ANKRD45: variants seen among roughly 807,000 people sequenced by gnomAD.
The protein encoded by ANKRD45 is ankyrin repeat domain-containing protein 45.
ANKRD45 carries 21 observed loss-of-function variants against 28.1 expected under a neutral mutation model. The ratio of observed to expected loss-of-function variants is 0.75; its 90% CI spans 0.53 to 1.08. The LOEUF (loss-of-function observed/expected upper bound fraction) is 1.08, where lower values mean the gene tolerates loss of function less well. ANKRD45 is among the 50% of genes least tolerant of loss of function. The pLI, the probability that ANKRD45 is intolerant of heterozygous loss-of-function variation, is 0.00. For missense variants in ANKRD45, 261 were observed against 308.7 expected (o/e 0.85, Z 1.16); for synonymous variants, 86 against 103.9 (o/e 0.83, Z 1.05).
intron 4 of ANKRD45, among the ~76,000 whole-genome samples, chr1:173,625,982 G>A (rs1335247042): frequency 1.3e-5 from 2 of 152,048 alleles, no homozygotes; most frequent in African/African-American, 2.4e-5. Context: ...AATTAAGAAT[G>A]TTCTAGTAAC....
rs1024081974 is a variant in ANKRD45 at position 173,609,910 on chromosome 1, C to T, written c.*235G>A. On this transcript the variant is annotated 3_prime_UTR_variant, in exon 6 of 6. Transcript: ENST00000333279. ...ATGGTCTTCACGAATGATTTATACC[C>T]AAGTGCTTTCCTGAAGGAGCACGTG... 1 of 505,472 alleles carries T rather than the reference C, an allele frequency of 2.0e-6. No homozygotes were observed. Among genetic ancestry groups the T allele is most frequent in the Non-Finnish European group, 3.5e-6 (1 of 286,418 alleles). The allele number at this position is 505,472 out of a possible 1,614,324, so 31.3% of individuals were successfully genotyped here. A position where few individuals can be genotyped will look rare whatever the true frequency, so the allele number is the denominator to read the frequency against.
the ANKRD45 span, among the ~76,000 whole-genome samples, chr1:173,680,975 G>A: frequency 6.6e-6 from 1 of 150,976 alleles, no homozygotes; most frequent in Non-Finnish European, 1.5e-5. Context: ...TGGGTGGGGG[G>A]GAGGCGGGGT....
At chr1:173,636,854 C>T in intron 3 of ANKRD45, 1 of 1,535,596 alleles carries the variant, frequency 6.5e-7, no homozygotes, top group Non-Finnish European at 8.7e-7. Flanking sequence ...CTTAGAAAAA[C>T]CTGGTAATGA....
chr1:173,682,240 T>A, the ANKRD45 span, among the ~76,000 whole-genome samples: 1 of 152,200 alleles, frequency 6.6e-6, no homozygotes, highest in South Asian at 2.1e-4. Flanking sequence ...CTAGACCACA[T>A]GATCTTTTTA....
At chr1:173,688,531 T>TTTGC in the ANKRD45 span, among the ~76,000 whole-genome samples, 31 of 128,664 alleles carry the variant, frequency 2.4e-4, no homozygotes, top group African/African-American at 1.3e-3. Context: ...CCTCTTCCTC[T>TTTGC]CTCTCCCTCT....
the ANKRD45 span, among the ~76,000 whole-genome samples, chr1:173,701,006 A>G: frequency 2.4e-4 from 36 of 152,252 alleles, no homozygotes; most frequent in Non-Finnish European, 4.1e-4. Context: ...AAAGTGGGCA[A>G]AGGATATGAG....
At chr1:173,681,981 C>G in the ANKRD45 span, among the ~76,000 whole-genome samples, 3 of 149,010 alleles carry the variant, frequency 2.0e-5, no homozygotes, top group African/African-American at 7.4e-5. Flanking sequence ...ACCCAGGAAG[C>G]AGAGATAGTA....
intron 1 of ANKRD45, among the ~76,000 whole-genome samples, chr1:173,663,054 A>AACACACACACACACACAC (rs60072209): frequency 2.4e-4 from 34 of 140,248 alleles, no homozygotes; most frequent in African/African-American, 7.6e-4. Context: ...CCACCCTTCC[A>AACACACACACACACACAC]ACACACACAC....
chr1:173,638,018 T>G (rs1480216055), intron 3 of ANKRD45, among the ~76,000 whole-genome samples: 2 of 151,972 alleles, frequency 1.3e-5, no homozygotes, highest in Non-Finnish European at 2.9e-5. Flanking sequence ...ACCAGGTGAC[T>G]CCATGCACGG....
At chr1:173,640,881 A>C (rs755657585) in intron 3 of ANKRD45, among the ~76,000 whole-genome samples, 2 of 152,156 alleles carry the variant, frequency 1.3e-5, no homozygotes, top group Non-Finnish European at 2.9e-5. Context: ...GTGCAAATCT[A>C]AAATCCCTCA....
intron 2 of ANKRD45, among the ~76,000 whole-genome samples, chr1:173,653,793 G>T (rs534566704): frequency 2.6e-5 from 4 of 151,954 alleles, no homozygotes; most frequent in Non-Finnish European, 4.4e-5. Context: ...TGTATTGGGT[G>T]TCTATATATT....
At position 173,659,440 on chromosome 1, in the gene ANKRD45, C is replaced by A. The variant is rs1272095966; in HGVS notation, c.-15-7G>T. On this transcript the variant is annotated splice_polypyrimidine_tract_variant and splice_region_variant and intron_variant, in intron 1 of 5. Transcript: ENST00000333279. ...CCATTAACTCCAAAAATACCTATGA[C>A]CAAAAAAATAAAAAAGTGATAAAAA... 1.3e-6 allele frequency: 2 copies of A among 1,493,438 alleles called. No homozygotes were observed. Among genetic ancestry groups the A allele is most frequent in the African/African-American group, 1.4e-5 (1 of 71,306 alleles). 92.5% of individuals were successfully genotyped at this position (1,493,438 alleles called of 1,614,324 possible). A position where few individuals can be genotyped will look rare whatever the true frequency, so the allele number is the denominator to read the frequency against.
the ANKRD45 span, among the ~76,000 whole-genome samples, chr1:173,703,291 C>A: frequency 6.6e-6 from 1 of 151,954 alleles, no homozygotes; most frequent in African/African-American, 2.4e-5. Flanking sequence ...GCAAGCTCCA[C>A]CTCCCGGGTT....
chr1:173,675,119 A>G, the ANKRD45 span, among the ~76,000 whole-genome samples: 56 of 152,302 alleles, frequency 3.7e-4, no homozygotes, highest in Admixed American at 8.5e-4. Flanking sequence ...TCCATATATT[A>G]GTAGGCAGGT....
the ANKRD45 span, among the ~76,000 whole-genome samples, chr1:173,699,608 C>A: frequency 1.3e-5 from 2 of 151,970 alleles, no homozygotes; most frequent in East Asian, 3.8e-4. Flanking sequence ...AAAGGCCTGA[C>A]AAAATTCAAC....
chr1:173,653,135 G>A (rs536689508), intron 2 of ANKRD45, among the ~76,000 whole-genome samples: 2 of 152,146 alleles, frequency 1.3e-5, no homozygotes, highest in African/African-American at 4.8e-5. Flanking sequence ...CTTGCCTTCT[G>A]CTAGCTTTTG....
upstream of ANKRD45, among the ~76,000 whole-genome samples, chr1:173,671,081 C>G (rs1295939919): frequency 6.6e-6 from 1 of 152,166 alleles, no homozygotes; most frequent in Non-Finnish European, 1.5e-5. Flanking sequence ...GTTTCATTAT[C>G]CCCTTATAAG....
Position 173,623,366 on chromosome 1 carries a change from C to T in ANKRD45, c.730+1421G>A, listed in dbSNP as rs141713134. ...TAAACAAACATGAAAAAAAGCTCAA[C>T]ATCACTGATCATTAGAGAAATGCGA... On this transcript the variant is annotated intron_variant, in intron 5 of 5. Coordinates refer to ENST00000333279, the MANE Select transcript of ANKRD45 (RefSeq NM_198493.3). Among the ~76,000 whole-genome samples, 833 of 150,680 alleles carry T rather than the reference C, an allele frequency of 5.5e-3. 4 individuals are homozygous for T. Among genetic ancestry groups the T allele is most frequent in the Non-Finnish European group, 7.5e-3 (506 of 67,736 alleles).
intron 5 of ANKRD45, among the ~76,000 whole-genome samples, chr1:173,611,363 T>C (rs1311497768): frequency 6.6e-6 from 1 of 152,186 alleles, no homozygotes; most frequent in Non-Finnish European, 1.5e-5. Context: ...GGTAGGCTCC[T>C]AGGAGAGTGC....
Sources: gnomAD v4.1 joint callset for allele counts (sites outside exome capture counted in the v4.1 genomes callset) on GRCh38, gnomAD v4.1.1 for gene constraint, MANE v1.5 for transcripts, NCBI Gene and HGNC (gene_info 2026-07-23, HGNC 2026-07-21) for gene names.